Variants in ADCY5 observed in about 807,000 individuals in gnomAD.
The protein encoded by ADCY5 is adenylate cyclase 5, also known as adenylate cyclase type 5.
In ADCY5, 30 loss-of-function variants were observed where a neutral mutation model predicts 119.7. The ratio of observed to expected loss-of-function variants is 0.25; its 90% CI spans 0.19 to 0.34. The LOEUF is 0.34. ADCY5 is among the 10% of genes least tolerant of loss of function. The probability of loss-of-function intolerance (pLI) is 1.00; values close to 1 mark genes in which losing one functional copy is unlikely to be tolerated. For missense variants in ADCY5, 1,324 were observed against 1,775.2 expected, an observed-to-expected ratio of 0.75 and a Z score of 4.57; for synonymous variants, 753 against 762.2, an observed-to-expected ratio of 0.99 and a Z score of 0.20.
Position 123,439,804 on chromosome 3 carries a change from T to C in ADCY5, c.1134+7608A>G, listed in dbSNP as rs577634483. Among the ~76,000 whole-genome samples the C allele has an allele frequency of 9.2e-5, 14 of 152,324 alleles. No individual in the cohort carries two copies. The South Asian group carries it at 1.2e-3, about 14-fold the overall frequency. On this transcript the variant is annotated intron_variant, in intron 1 of 20. Transcript: ENST00000462833. The stretch of plus-strand genomic sequence containing the variant: ...CCCATGGCCTAGACAGTGCCTATTA[T>C]AAGGTAGGCACCTAATAAATGATTA...
rs757209615 is a variant in ADCY5, at chr3:123,300,150, T to G, written c.2870A>C (p.Asn957Thr). ...GTTGGCGGTGACCAGCAGGTCGGCG[T>G]TGTCGAAGAGCGTGACACCTGGCAC... ...VEVPGVTLFD[N>T]ADLLVTANAI... is the part of the protein sequence containing the mutation. Residue 957 changes from asparagine to threonine, a missense_variant, in exon 15 of 21, where the codon AAC (asparagine) becomes ACC (threonine). Coordinates refer to ENST00000462833, the MANE Select transcript of ADCY5 (RefSeq NM_183357.3). The G allele has an allele frequency of 6.2e-7, 1 of 1,613,866 alleles. No homozygotes were observed. Among genetic ancestry groups the G allele is most frequent in the Non-Finnish European group, 8.5e-7 (1 of 1,180,032 alleles).
intron 12 of ADCY5, among the ~76,000 whole-genome samples, chr3:123,309,977 A>T (rs899814546): frequency 3.3e-5 from 5 of 152,140 alleles, no homozygotes; most frequent in Admixed American, 3.3e-4. Flanking sequence ...ACTGCAGAGC[A>T]GACAGGGCCC....
Position 123,286,868 on chromosome 3 carries a change from C to G in ADCY5, c.3533-59G>C. 1 of 1,527,706 alleles carries G rather than the reference C, an allele frequency of 6.5e-7. No homozygotes were observed. The highest frequency in any genetic ancestry group is 8.8e-7 in the Non-Finnish European group (1 of 1,140,736). 94.6% of individuals were successfully genotyped at this position (1,527,706 alleles called of 1,614,324 possible). On this transcript the variant is annotated intron_variant, in intron 19 of 20. Coordinates refer to ENST00000462833, the MANE Select transcript of ADCY5 (RefSeq NM_183357.3). This position sits in a 1 kb window ranked among gnomAD's most constrained non-coding sequence, Gnocchi z 4.2. ...ATCTCTGGCTTGACCTTGCCACCAT[C>G]TGTCTCCCCACATGCTGCAGGTCCT...
intron 1 of ADCY5, among the ~76,000 whole-genome samples, chr3:123,436,406 TA>T (rs149690354): frequency 6.6e-6 from 1 of 151,926 alleles, no homozygotes; most frequent in Non-Finnish European, 1.5e-5. Context: ...ATTTGTCTTT[TA>T]AAAAAACTGT....
At chr3:123,403,484 GGGC>G (rs1474789569) in intron 1 of ADCY5, among the ~76,000 whole-genome samples, 1 of 152,048 alleles carries the variant, frequency 6.6e-6, no homozygotes, top group Admixed American at 6.6e-5. Flanking sequence ...TGTGTTGCCT[GGGC>G]CTGCTTTCCT....
chr3:123,447,851 C>A lies in ADCY5; in HGVS notation c.695G>T (p.Arg232Leu), dbSNP rs1339330672. 6.2e-7 allele frequency: 1 copy of A among 1,612,700 alleles called. No individual in the cohort carries two copies. The highest frequency in any genetic ancestry group is 1.1e-5 in the South Asian group (1 of 91,078). The change falls in exon 1 of 21, where the codon CGC becomes CTC. Residue 232 changes from arginine (R) to leucine (L), a missense_variant. Arg to Leu is a moderately radical substitution (Grantham distance 102). Coordinates refer to ENST00000462833, the MANE Select transcript of ADCY5 (RefSeq NM_183357.3). ...PSDKLERLYQRYFFRLNQSSL... is the reference protein window; with the variant it reads ...PSDKLERLYQLYFFRLNQSSL... ...GCTCTGGTTCAGGCGGAAGAAGTAG[C>A]GCTGGTACAGCCGCTCCAGTTTGTC...
At chr3:123,336,287 G>A (rs147608400) in intron 3 of ADCY5, among the ~76,000 whole-genome samples, 1 of 152,342 alleles carries the variant, frequency 6.6e-6, no homozygotes, top group Non-Finnish European at 1.5e-5. Flanking sequence ...CCCACAGTTT[G>A]TGAAAGCACC....
Position 123,368,027 on chromosome 3 carries a change from C to T in ADCY5, c.1135-15446G>A. ...GGACCATGGGCACCTCAGCAGGGAT[C>T]CAGGGGCCCCAGAGATTGCCTGGGG... On this transcript the variant is annotated intron_variant, in intron 1 of 20. Transcript: ENST00000462833. 4 of 1,479,356 alleles carry T rather than the reference C, an allele frequency of 2.7e-6. No individual in the cohort carries two copies. The East Asian group carries it at 7.5e-5, about 28-fold the overall frequency. 91.6% of individuals were successfully genotyped at this position (1,479,356 alleles called of 1,614,324 possible).
intron 1 of ADCY5, among the ~76,000 whole-genome samples, chr3:123,376,248 T>C (rs1036737606): frequency 3.4e-5 from 5 of 146,926 alleles, no homozygotes; most frequent in African/African-American, 1.3e-4. Flanking sequence ...CTCAACAGCT[T>C]TTGGGTTAAA....
Position 123,284,399 on chromosome 3 carries a change from G to C in ADCY5, c.*209C>G. 1 of 662,258 alleles carries C rather than the reference G, an allele frequency of 1.5e-6. No individual in the cohort carries two copies. The highest frequency in any genetic ancestry group is 2.5e-6 in the Non-Finnish European group (1 of 399,484). 41.0% of individuals were successfully genotyped at this position (662,258 alleles called of 1,614,324 possible). A position where few individuals can be genotyped will look rare whatever the true frequency, so the allele number is the denominator to read the frequency against. ...AGAGGGAAACATCTTTGGTCAGCTGGGTGCTCGCAGGACGCTGGCACCCCG... is the reference window on the plus strand; with the variant it reads ...AGAGGGAAACATCTTTGGTCAGCTGCGTGCTCGCAGGACGCTGGCACCCCG... On this transcript the variant is annotated 3_prime_UTR_variant, in exon 21 of 21. Coordinates refer to ENST00000462833, the MANE Select transcript of ADCY5 (RefSeq NM_183357.3).
chr3:123,288,195 CCTGA>C (rs1471378103), intron 19 of ADCY5, among the ~76,000 whole-genome samples: 1 of 152,164 alleles, frequency 6.6e-6, no homozygotes, highest in Admixed American at 6.5e-5. Flanking sequence ...AAGCCCGATT[CCTGA>C]CACTCAGGCT....
At chr3:123,421,944 G>A (rs185056858) in intron 1 of ADCY5, among the ~76,000 whole-genome samples, 3 of 152,204 alleles carry the variant, frequency 2.0e-5, no homozygotes, top group South Asian at 2.1e-4. Flanking sequence ...CTCAACTCAC[G>A]GCCTTCTCCG....
intron 19 of ADCY5, among the ~76,000 whole-genome samples, chr3:123,289,011 A>G (rs1305287215): frequency 6.6e-6 from 1 of 152,172 alleles, no homozygotes; most frequent in African/African-American, 2.4e-5. Context: ...CACCACCTCA[A>G]CTCAACAATA....
In ADCY5 at chr3:123,424,782, G is replaced by A. The variant is rs562762251; in HGVS notation, c.1134+22630C>T. Among the ~76,000 whole-genome samples, 7 of 152,306 alleles carry A rather than the reference G, an allele frequency of 4.6e-5. No individual in the cohort carries two copies. The East Asian group carries it at 7.7e-4, about 17-fold the overall frequency. On this transcript the variant is annotated intron_variant, in intron 1 of 20. Transcript: ENST00000462833. ...TGTGTGTGTGCGCGCATGCACGCAC[G>A]CGCGCATGTCAGCATGCCCATGTGC...
intron 17 of ADCY5, among the ~76,000 whole-genome samples, chr3:123,292,806 C>A (rs1476122607): frequency 6.6e-6 from 1 of 152,218 alleles, no homozygotes; most frequent in East Asian, 1.9e-4. Context: ...TGAAAATGCA[C>A]CAGACTAGAC....
intron 1 of ADCY5, among the ~76,000 whole-genome samples, chr3:123,413,078 C>T (rs1431370135): frequency 2.0e-5 from 3 of 152,200 alleles, no homozygotes; most frequent in Non-Finnish European, 4.4e-5. Flanking sequence ...GCCGGCTCCT[C>T]CGGGACGGGA....
chr3:123,340,498 T>C (rs1255902638), intron 3 of ADCY5, among the ~76,000 whole-genome samples: 1 of 152,140 alleles, frequency 6.6e-6, no homozygotes, highest in Non-Finnish European at 1.5e-5. Context: ...TTCAAAGACA[T>C]AGCCGGGCAA....
chr3:123,345,990 G>A (rs966941388), intron 3 of ADCY5, among the ~76,000 whole-genome samples: 2 of 152,246 alleles, frequency 1.3e-5, no homozygotes, highest in Admixed American at 6.5e-5. Context: ...CCAACGAGAG[G>A]ACAAGTTACT....
chr3:123,297,167 A>G, intron 16 of ADCY5, 186 bp downstream of exon 16: 1 of 1,363,604 alleles, frequency 7.3e-7, no homozygotes, highest in Admixed American at 1.8e-5. Context: ...CATGAAAGTG[A>G]CCAGGGCCTC....
Sources: allele counts gnomAD v4.1 joint callset (sites outside exome capture counted in the v4.1 genomes callset), GRCh38; gene constraint gnomAD v4.1.1; non-coding constraint Gnocchi (gnomAD v3.1); transcripts MANE v1.5; gene names NCBI Gene and HGNC (gene_info 2026-07-23, HGNC 2026-07-21).